Variants in SCFD2 observed in about 807,000 individuals in gnomAD.
The protein encoded by SCFD2 is sec1 family domain containing 2, also known as sec1 family domain-containing protein 2.
Under a neutral mutation model 58.9 loss-of-function variants are expected in SCFD2, and 54 were observed. The ratio of observed to expected loss-of-function variants is 0.92; its 90% CI spans 0.74 to 1.15. SCFD2 has a LOEUF of 1.15. Among genes scored for constraint, SCFD2 ranks in the 50% most tolerant of loss-of-function variants. The pLI is 0.00. For synonymous variants in SCFD2, 321 were observed against 335.9 expected (o/e 0.96, Z 0.49); for missense variants, 805 against 836.6 (o/e 0.96, Z 0.47).
chr4:52,985,063 C>T (rs118075728), intron 5 of SCFD2, among the ~76,000 whole-genome samples: 27 of 152,190 alleles, frequency 1.8e-4, no homozygotes, highest in African/African-American at 5.3e-4. Context: ...AAACACAGTT[C>T]GCTCATTTAA....
intron 3 of SCFD2, among the ~76,000 whole-genome samples, chr4:53,294,453 T>C (rs1380216375): frequency 6.6e-6 from 1 of 152,250 alleles, no homozygotes; most frequent in African/African-American, 2.4e-5. Context: ...TTGAGAAGTG[T>C]CTGTTCATAT....
intron 7 of SCFD2, among the ~76,000 whole-genome samples, chr4:52,893,499 T>A (rs1718927487): frequency 1.3e-5 from 2 of 152,182 alleles, no homozygotes; most frequent in Admixed American, 1.3e-4. Flanking sequence ...TTCCAAAGCA[T>A]CCTTTACCCC....
At chr4:53,011,592 C>T (rs551526933) in intron 5 of SCFD2, among the ~76,000 whole-genome samples, 38 of 152,202 alleles carry the variant, frequency 2.5e-4, no homozygotes, top group Non-Finnish European at 4.3e-4. Context: ...GTGTTGTGTA[C>T]ATTTCAGCAA....
intron 1 of SCFD2, among the ~76,000 whole-genome samples, chr4:53,364,720 C>T (rs771991626): frequency 5.7e-5 from 6 of 105,310 alleles, no homozygotes; most frequent in Non-Finnish European, 1.5e-4. Flanking sequence ...ATTAACACTT[C>T]TCCAACAAAC....
intron 5 of SCFD2, among the ~76,000 whole-genome samples, chr4:53,012,011 T>C (rs1722103902): frequency 6.6e-6 from 1 of 151,730 alleles, no homozygotes; most frequent in South Asian, 2.1e-4. Context: ...CTTTTTTTTT[T>C]TTTTTTTTAA....
intron 5 of SCFD2, among the ~76,000 whole-genome samples, chr4:53,030,277 G>A (rs190131144): frequency 1.3e-5 from 2 of 152,220 alleles, no homozygotes; most frequent in Admixed American, 1.3e-4. Flanking sequence ...ATGAGTGGTA[G>A]CTACAAACCT....
At chr4:52,932,435 C>T (rs533332972) in intron 5 of SCFD2, among the ~76,000 whole-genome samples, 17 of 152,326 alleles carry the variant, frequency 1.1e-4, no homozygotes, top group Admixed American at 3.3e-4. Context: ...CTCACTGTCA[C>T]TTGGAAGAGT....
chr4:53,305,953 T>C (rs1732500313), intron 3 of SCFD2, among the ~76,000 whole-genome samples: 1 of 152,206 alleles, frequency 6.6e-6, no homozygotes, highest in Non-Finnish European at 1.5e-5. Context: ...TTCAAGAATT[T>C]ATTTATTAAT....
chr4:52,968,802 T>C (rs1721024553), intron 5 of SCFD2, among the ~76,000 whole-genome samples: 1 of 152,106 alleles, frequency 6.6e-6, no homozygotes. Context: ...AGGGATCTCA[T>C]GTGGGGGCAG....
At chr4:53,073,472 C>T (rs192328311) in intron 5 of SCFD2, among the ~76,000 whole-genome samples, 6 of 152,180 alleles carry the variant, frequency 3.9e-5, no homozygotes, top group South Asian at 2.1e-4. Context: ...ACCATTTTTG[C>T]CCCCAGCAGT....
intron 5 of SCFD2, among the ~76,000 whole-genome samples, chr4:53,033,764 C>T (rs1273654107): frequency 1.3e-5 from 2 of 152,092 alleles, no homozygotes; most frequent in Non-Finnish European, 2.9e-5. Flanking sequence ...CAAGTCTAAA[C>T]CAGGAAGAAA....
At chr4:53,188,418 GGTGT>G (rs56120914) in intron 4 of SCFD2, among the ~76,000 whole-genome samples, 40,008 of 143,242 alleles carry the variant, frequency 0.28, 5,485 homozygotes, top group Non-Finnish European at 0.32. Flanking sequence ...CTTCAAAACT[GGTGT>G]GTGTGTGTGT....
intron 2 of SCFD2, among the ~76,000 whole-genome samples, chr4:53,324,315 G>T (rs1733112950): frequency 6.6e-6 from 1 of 151,392 alleles, no homozygotes; most frequent in Non-Finnish European, 1.5e-5. Flanking sequence ...CTACTTAAAA[G>T]GCTGAAACAA....
intron 4 of SCFD2, among the ~76,000 whole-genome samples, chr4:53,221,980 C>T (rs766765257): frequency 1.3e-5 from 2 of 152,194 alleles, no homozygotes; most frequent in Non-Finnish European, 2.9e-5. Context: ...TCCTAATGTA[C>T]CTGACATTAC....
chr4:53,110,948 C>T (rs186107019), intron 5 of SCFD2, among the ~76,000 whole-genome samples: 2 of 152,226 alleles, frequency 1.3e-5, no homozygotes, highest in African/African-American at 4.8e-5. Flanking sequence ...AAATGCTCAT[C>T]AATGATAGAC....
At chr4:53,143,036 G>C (rs1726216648) in intron 5 of SCFD2, among the ~76,000 whole-genome samples, 3 of 152,046 alleles carry the variant, frequency 2.0e-5, no homozygotes, top group Non-Finnish European at 4.4e-5. Flanking sequence ...TTTAATTTCT[G>C]AGTATACAAA....
intron 4 of SCFD2, among the ~76,000 whole-genome samples, chr4:53,238,424 C>T (rs1328701004): frequency 2.9e-5 from 4 of 137,512 alleles, no homozygotes; most frequent in South Asian, 2.4e-4. Context: ...ACCTCCCTCC[C>T]GGATGGGCGG....
At chr4:52,962,674 G>A (rs1040377409) in intron 5 of SCFD2, among the ~76,000 whole-genome samples, 1 of 151,380 alleles carries the variant, frequency 6.6e-6, no homozygotes, top group Non-Finnish European at 1.5e-5. Flanking sequence ...ATAGTTTAGA[G>A]GGGGGCAGCA....
chr4:53,262,090 C>T (rs1730845643), intron 4 of SCFD2, among the ~76,000 whole-genome samples: 1 of 152,038 alleles, frequency 6.6e-6, no homozygotes, highest in Non-Finnish European at 1.5e-5. Context: ...CTTTTGGTGT[C>T]CATTTGCATG....
Sources: allele counts gnomAD v4.1 joint callset (sites outside exome capture counted in the v4.1 genomes callset), GRCh38; gene constraint gnomAD v4.1.1; transcripts MANE v1.5; gene names NCBI Gene and HGNC (gene_info 2026-07-23, HGNC 2026-07-21).